MAP4K5: variants seen among roughly 807,000 people sequenced by gnomAD.
The protein encoded by MAP4K5 is MAPK/ERK kinase kinase kinase 5.
MAP4K5 carries 82 observed loss-of-function variants against 135.6 expected under a neutral mutation model. That is an observed-to-expected ratio of 0.60 (90% CI 0.51 to 0.73). The LOEUF (loss-of-function observed/expected upper bound fraction) is 0.73. Ranked by LOEUF, MAP4K5 falls within the 30% of genes least tolerant of loss-of-function variation. The pLI is 0.00. For synonymous variants in MAP4K5, 347 were observed against 335.0 expected (o/e 1.04, Z -0.39); for missense variants, 907 against 1,010.9 (o/e 0.90, Z 1.39).
intron 3 of MAP4K5, among the ~76,000 whole-genome samples, chr14:50,501,865 T>C (rs2037712323): frequency 6.6e-6 from 1 of 152,208 alleles, no homozygotes; most frequent in Admixed American, 6.5e-5. Flanking sequence ...CCCACTGGAA[T>C]TCAAGTTCCG....
At chr14:50,544,936 CAAAAAAAAAAAAAAAA>C (rs35420627) in intron 1 of MAP4K5, among the ~76,000 whole-genome samples, 4 of 58,448 alleles carry the variant, frequency 6.8e-5, no homozygotes, top group Admixed American at 4.4e-4. Flanking sequence ...GACCCACTCT[CAAAAAAAAAAAAAAAA>C]AAAAAAAAAA....
chr14:50,489,862 G>A (rs1473402663), intron 3 of MAP4K5, among the ~76,000 whole-genome samples: 1 of 152,174 alleles, frequency 6.6e-6, no homozygotes, highest in East Asian at 1.9e-4. Flanking sequence ...GAATGACTAT[G>A]GCTAAGATTC....
At chr14:50,510,602 CA>C (rs1241598785) in intron 2 of MAP4K5, among the ~76,000 whole-genome samples, 2 of 151,970 alleles carry the variant, frequency 1.3e-5, no homozygotes, top group African/African-American at 4.8e-5. Context: ...ATGAAACTGA[CA>C]ATACATTATT....
intron 1 of MAP4K5, among the ~76,000 whole-genome samples, chr14:50,553,427 C>G (rs2038727231): frequency 1.3e-5 from 2 of 151,402 alleles, no homozygotes; most frequent in African/African-American, 4.9e-5. Context: ...GCAGGAATGG[C>G]CATAATTTAA....
At chr14:50,501,184 T>C (rs1381737357) in intron 3 of MAP4K5, among the ~76,000 whole-genome samples, 3 of 152,098 alleles carry the variant, frequency 2.0e-5, no homozygotes, top group African/African-American at 7.2e-5. Context: ...AATAAACCAA[T>C]GAACAGTTGA....
At chr14:50,423,356 T>C (rs1228960401) in intron 31 of MAP4K5, among the ~76,000 whole-genome samples, 180 bp from the exon 32 acceptor site, 4 of 151,440 alleles carry the variant, frequency 2.6e-5, no homozygotes, top group South Asian at 4.2e-4. Flanking sequence ...AACCCACATT[T>C]ATGGAACATC....
At chr14:50,467,569 G>A (rs1463062671) in intron 10 of MAP4K5, among the ~76,000 whole-genome samples, 1 of 151,580 alleles carries the variant, frequency 6.6e-6, no homozygotes, top group Non-Finnish European at 1.5e-5. Flanking sequence ...TAAATAATTG[G>A]CTTAAGAATT....
At chr14:50,478,138 G>C (rs559182325) in intron 6 of MAP4K5, among the ~76,000 whole-genome samples, 5 of 152,266 alleles carry the variant, frequency 3.3e-5, no homozygotes, top group Non-Finnish European at 5.9e-5. Flanking sequence ...TTATAATTGA[G>C]TGAGCTTTGG....
chr14:50,464,764 C>T (rs1566658366), intron 11 of MAP4K5, among the ~76,000 whole-genome samples: 1 of 152,126 alleles, frequency 6.6e-6, no homozygotes, highest in South Asian at 2.1e-4. Flanking sequence ...ATGAAATAAC[C>T]GTATTTATCA....
intron 9 of MAP4K5, among the ~76,000 whole-genome samples, chr14:50,473,268 G>A (rs80251316): frequency 6.6e-6 from 1 of 151,860 alleles, no homozygotes; most frequent in East Asian, 1.9e-4. Context: ...AAAAAGTTTT[G>A]GTTACCCCTC....
intron 20 of MAP4K5, 111 bp downstream of exon 20, chr14:50,443,618 G>T: frequency 1.2e-6 from 1 of 848,520 alleles, no homozygotes; most frequent in Non-Finnish European, 1.7e-6. Context: ...CAATATCTTT[G>T]TATTTTATGA....
intron 11 of MAP4K5, 40 bp downstream of exon 11, chr14:50,466,543 G>A (rs1022882202): frequency 9.5e-5 from 96 of 1,009,024 alleles, no homozygotes; most frequent in Non-Finnish European, 1.4e-4. Context: ...TACTCCTTTC[G>A]ATTGTAAAAT....
chr14:50,433,008 T>A (rs2036008678), intron 28 of MAP4K5, among the ~76,000 whole-genome samples: 1 of 152,112 alleles, frequency 6.6e-6, no homozygotes, highest in African/African-American at 2.4e-5. Flanking sequence ...CGGCTAAGTT[T>A]GTATTTTTAG....
Position 50,435,085 on chromosome 14 carries a change from C to A in MAP4K5, c.1883-20G>T. On this transcript the variant is annotated intron_variant, in intron 26 of 32. Transcript: ENST00000682126. Reference sequence around the variant, plus strand: ...TTCTGACTGGAAAGAAATAAACAAACAAAAAACCCAGACACACTCAAAATA... The same window carrying A: ...TTCTGACTGGAAAGAAATAAACAAAAAAAAAACCCAGACACACTCAAAATA... The A allele has an allele frequency of 2.9e-6, 4 of 1,364,534 alleles. No individual in the cohort carries two copies. Among genetic ancestry groups the A allele is most frequent in the African/African-American group, 2.9e-5 (2 of 69,756 alleles). The allele number at this position is 1,364,534 out of a possible 1,614,324, so 84.5% of individuals were successfully genotyped here. A position where few individuals can be genotyped will look rare whatever the true frequency, so the allele number is the denominator to read the frequency against.
intron 2 of MAP4K5, among the ~76,000 whole-genome samples, chr14:50,517,260 T>C (rs1174685309): frequency 6.6e-6 from 1 of 151,580 alleles, no homozygotes; most frequent in African/African-American, 2.4e-5. Context: ...GAAGCAATTC[T>C]CCTGCCTCAG....
In MAP4K5 at chr14:50,443,280, C is replaced by T. The variant is rs533261175; in HGVS notation, c.1479+449G>A. ...CAATGTATAAAGCATCCCATTCATA[C>T]GATTGGTTCCCATCCCATTCATGGG... On this transcript the variant is annotated intron_variant, in intron 20 of 32. Coordinates refer to ENST00000682126, the MANE Select transcript of MAP4K5 (RefSeq NM_006575.6). 7.9e-5 allele frequency among the ~76,000 whole-genome samples: 12 copies of T among 152,138 alleles called. 1 individual carries two copies. Among genetic ancestry groups the T allele is most frequent in the Non-Finnish European group, 1.5e-4 (10 of 68,006 alleles).
intron 1 of MAP4K5, among the ~76,000 whole-genome samples, chr14:50,548,947 A>G (rs1163224981): frequency 6.6e-6 from 1 of 152,176 alleles, no homozygotes; most frequent in Non-Finnish European, 1.5e-5. Flanking sequence ...TGCCTACCCC[A>G]TAAAAGGTGG....
At chr14:50,479,292 T>A (rs2139894125) in intron 6 of MAP4K5, among the ~76,000 whole-genome samples, 1 of 152,130 alleles carries the variant, frequency 6.6e-6, no homozygotes, top group South Asian at 2.1e-4. Context: ...TTAATGATAC[T>A]CTTCACTTAT....
chr14:50,496,913 C>T (rs967188477), intron 3 of MAP4K5, among the ~76,000 whole-genome samples: 1 of 151,814 alleles, frequency 6.6e-6, no homozygotes, highest in Non-Finnish European at 1.5e-5. Flanking sequence ...TCATTTAGAG[C>T]AAAATTACAA....
Sources: gnomAD v4.1 joint callset for allele counts (sites outside exome capture counted in the v4.1 genomes callset) on GRCh38, gnomAD v4.1.1 for gene constraint, MANE v1.5 for transcripts, NCBI Gene and HGNC (gene_info 2026-07-23, HGNC 2026-07-21) for gene names.